INPP5B: variants seen among roughly 807,000 people sequenced by gnomAD.
INPP5B encodes the protein type II inositol 1,4,5-trisphosphate 5-phosphatase.
In INPP5B, 90 loss-of-function variants were observed where a neutral mutation model predicts 118.5. The ratio of observed to expected loss-of-function variants is 0.76; its 90% CI spans 0.64 to 0.90. INPP5B has a LOEUF of 0.90. INPP5B is among the 40% of genes least tolerant of loss of function. The probability of loss-of-function intolerance (pLI) is 0.00; values close to 1 mark genes in which losing one functional copy is unlikely to be tolerated. For missense variants in INPP5B, 984 were observed against 1,125.6 expected (o/e 0.87, Z 1.80); for synonymous variants, 385 against 418.9 (o/e 0.92, Z 0.99).
intron 5 of INPP5B, chr1:37,941,958 A>AAAAAAAAAAATATATATATATATATAT: frequency 3.3e-5 from 1 of 30,384 alleles, no homozygotes; most frequent in Non-Finnish European, 6.6e-5. Flanking sequence ...AAAAAAAAAA[A>AAAAAAAAAAATATATATATATATATAT]ATATATATAT....
intron 13 of INPP5B, chr1:37,883,715 C>T (rs1643344569): frequency 4.1e-6 from 4 of 985,398 alleles, no homozygotes; most frequent in Non-Finnish European, 4.8e-6. Flanking sequence ...GGCTGCAAGA[C>T]ACTCCCTGCT....
chr1:37,877,469 C>G (rs1437613506), intron 16 of INPP5B, among the ~76,000 whole-genome samples: 1 of 151,976 alleles, frequency 6.6e-6, no homozygotes, highest in Non-Finnish European at 1.5e-5. Flanking sequence ...TGATAAAACC[C>G]AATATTGACA....
At chr1:37,893,990 TAC>T (rs1643925046) in intron 7 of INPP5B, among the ~76,000 whole-genome samples, 2 of 152,250 alleles carry the variant, frequency 1.3e-5, no homozygotes, top group African/African-American at 4.8e-5. Flanking sequence ...TTGCAGGTCA[TAC>T]AGTCTCTTGC....
Position 37,874,462 on chromosome 1 carries a change from T to C in INPP5B, c.1789-307A>G, listed in dbSNP as rs150543857. The stretch of plus-strand genomic sequence containing the variant: ...CAAATTCCACTTCTAAACATGAAGA[T>C]CAAGCCCATCCTTCCAAGTAGCTGG... On this transcript the variant is annotated intron_variant, in intron 17 of 23. Coordinates refer to ENST00000373024, the MANE Select transcript of INPP5B (RefSeq NM_005540.3). Among the ~76,000 whole-genome samples, 171 of 152,284 alleles carry C rather than the reference T, an allele frequency of 1.1e-3. 1 individual carries two copies. The highest frequency in any genetic ancestry group is 3.7e-3 in the Admixed American group (56 of 15,282).
rs555678120 is a variant in INPP5B at position 37,905,898 on chromosome 1, T to C, written c.533-14444A>G. Among the ~76,000 whole-genome samples, 3 of 152,360 alleles carry C rather than the reference T, an allele frequency of 2.0e-5. No individual in the cohort carries two copies. The East Asian group carries it at 5.8e-4, about 29-fold the overall frequency. ...GTTCAGAGTCAAGAAAACTTTTCTT[T>C]TGAGCTATTTACATCTTTTAAAAAT... On this transcript the variant is annotated intron_variant, in intron 7 of 23. Coordinates refer to ENST00000373024, the MANE Select transcript of INPP5B (RefSeq NM_005540.3).
At chr1:37,902,168 G>A (rs900740235) in intron 7 of INPP5B, among the ~76,000 whole-genome samples, 4 of 151,904 alleles carry the variant, frequency 2.6e-5, no homozygotes, top group African/African-American at 9.7e-5. Context: ...TGTATTTTTA[G>A]TAGAAACGGG....
chr1:37,927,243 C>T (rs1456746208), intron 7 of INPP5B, among the ~76,000 whole-genome samples: 2 of 152,002 alleles, frequency 1.3e-5, no homozygotes, highest in Non-Finnish European at 2.9e-5. Flanking sequence ...TGCAGTGAGC[C>T]AAGATCGTGC....
At chr1:37,888,469 C>T (rs147700582) in intron 9 of INPP5B, 125 bp from the exon 10 acceptor site, 121 of 522,476 alleles carry the variant, frequency 2.3e-4, no homozygotes, top group Non-Finnish European at 3.8e-4. Context: ...TAAGAAATGT[C>T]ATTTCTAACC....
Position 37,886,943 on chromosome 1 carries a change from G to A in INPP5B, c.1076C>T (p.Ala359Val). Residue 359 changes from alanine to valine, a missense_variant, in exon 12 of 24, where the codon GCT becomes GTT. By Grantham distance (64) the Ala-to-Val change is moderately conservative. Transcript: ENST00000373024. ...LLLYVKQEHAAYISEVEAETV... is the reference protein window; with the variant it reads ...LLLYVKQEHAVYISEVEAETV... ...CTCGGCTTCCACTTCTGAGATATAA[G>A]CTGCATGCTCCTGTTTGACATATAA... 1 of 1,614,152 alleles carries A rather than the reference G, an allele frequency of 6.2e-7. No homozygotes were observed.
chr1:37,890,685 A>C (rs1303825924), intron 8 of INPP5B, among the ~76,000 whole-genome samples: 1 of 152,294 alleles, frequency 6.6e-6, no homozygotes, highest in African/African-American at 2.4e-5. Flanking sequence ...GAAACACCTA[A>C]AAGAATGAAA....
intron 7 of INPP5B, among the ~76,000 whole-genome samples, chr1:37,909,330 T>C (rs1029155927): frequency 5.9e-5 from 9 of 152,042 alleles, no homozygotes; most frequent in African/African-American, 2.2e-4. Flanking sequence ...GGCTGCTCCT[T>C]GCCAGGCCGA....
chr1:37,880,246 T>C (rs1352179829), intron 14 of INPP5B, 52 bp from the exon 15 acceptor site: 2 of 1,330,410 alleles, frequency 1.5e-6, no homozygotes, highest in Non-Finnish European at 2.1e-6. Context: ...AGGTCAAACT[T>C]TGAATTAGTG....
intron 7 of INPP5B, among the ~76,000 whole-genome samples, chr1:37,912,436 C>T (rs962523108): frequency 2.0e-5 from 3 of 152,138 alleles, no homozygotes; most frequent in African/African-American, 7.2e-5. Context: ...TAATACAACC[C>T]TTCATTCTAT....
chr1:37,887,732 A>T lies in INPP5B; in HGVS notation c.900-267T>A, dbSNP rs1643622671. On this transcript the variant is annotated intron_variant, in intron 10 of 23. Transcript: ENST00000373024. ...TACATCTGTAACCCCTAGTTCACAC[A>T]AGCACCAAGTGGCAAACTGGGATTC... is the stretch of plus-strand genomic sequence containing the variant. Among the ~76,000 whole-genome samples, 11 of 152,292 alleles carry T rather than the reference A, an allele frequency of 7.2e-5. No homozygotes were observed. The South Asian group carries it at 2.3e-3, about 32-fold the overall frequency.
chr1:37,874,752 T>G (rs1248665554), intron 17 of INPP5B, among the ~76,000 whole-genome samples: 8 of 152,146 alleles, frequency 5.3e-5, no homozygotes, highest in Admixed American at 5.2e-4. Flanking sequence ...GCCGAGATCG[T>G]GCCATTGCAC....
intron 7 of INPP5B, among the ~76,000 whole-genome samples, chr1:37,893,146 A>T (rs113520225): frequency 4.0e-5 from 5 of 124,858 alleles, no homozygotes; most frequent in African/African-American, 1.6e-4. Flanking sequence ...CAGCAGCCTG[A>T]TCATGGTTCA....
chr1:37,892,868 A>C (rs1643887065), intron 7 of INPP5B, among the ~76,000 whole-genome samples: 2 of 151,988 alleles, frequency 1.3e-5, no homozygotes, highest in South Asian at 4.1e-4. Flanking sequence ...TGCCCTTATA[A>C]GGGTTGAGGA....
intron 18 of INPP5B, 36 bp from the exon 19 acceptor site, chr1:37,873,201 G>A (rs1168103749): frequency 6.8e-7 from 1 of 1,477,064 alleles, no homozygotes; most frequent in Admixed American, 1.7e-5. Context: ...TTGGCCGGGG[G>A]CAGGCCAAGA....
intron 13 of INPP5B, chr1:37,883,507 G>C (rs1416233176): frequency 1.0e-6 from 1 of 985,374 alleles, no homozygotes; most frequent in Non-Finnish European, 1.2e-6. Context: ...CTAACTGAAG[G>C]CTCCCTGATG....
Sources: allele counts gnomAD v4.1 joint callset (sites outside exome capture counted in the v4.1 genomes callset), GRCh38; gene constraint gnomAD v4.1.1; transcripts MANE v1.5; gene names NCBI Gene and HGNC (gene_info 2026-07-23, HGNC 2026-07-21).